Variants in ITK observed in about 807,000 individuals in gnomAD.
ITK encodes the protein tyrosine-protein kinase ITK/TSK.
Under a neutral mutation model 87.6 loss-of-function variants are expected in ITK, and 45 were observed. The ratio of observed to expected loss-of-function variants is 0.51; its 90% CI spans 0.40 to 0.66. The LOEUF (loss-of-function observed/expected upper bound fraction) is 0.66, where lower values mean the gene tolerates loss of function less well. ITK is among the 30% of genes least tolerant of loss of function. The pLI, the probability that ITK is intolerant of heterozygous loss-of-function variation, is 0.00. For missense variants in ITK, 605 were observed against 766.3 expected (o/e 0.79, Z 2.48); for synonymous variants, 303 against 273.6 (o/e 1.11, Z -1.06).
chr5:157,218,007 C>A, intron 5 of ITK, 100 bp downstream of exon 5: 1 of 1,060,044 alleles, frequency 9.4e-7, no homozygotes, highest in South Asian at 1.3e-5. Flanking sequence ...TTTTCAAACC[C>A]TGGCTGCATG....
Position 157,238,108 on chromosome 5 carries a change from G to T in ITK, c.769-1G>T, listed in dbSNP as rs572233794. 1 of 1,611,678 alleles carries T rather than the reference G, an allele frequency of 6.2e-7. No individual in the cohort carries two copies. Among genetic ancestry groups the T allele is most frequent in the South Asian group, 1.1e-5 (1 of 91,036 alleles). On this transcript the variant is annotated splice_acceptor_variant, in intron 8 of 16. Coordinates refer to ENST00000422843, the MANE Select transcript of ITK (RefSeq NM_005546.4). LOFTEE classifies it high-confidence loss of function. ...CTTTCCATTCTTTCTAACCATTCCAGGGCAAAGAAGGAGCCTTCATGGTAA... is the reference window on the plus strand; with the variant it reads ...CTTTCCATTCTTTCTAACCATTCCATGGCAAAGAAGGAGCCTTCATGGTAA...
At chr5:157,189,578 G>C (rs1263713758) in intron 1 of ITK, among the ~76,000 whole-genome samples, 1 of 152,236 alleles carries the variant, frequency 6.6e-6, no homozygotes, top group East Asian at 1.9e-4. Flanking sequence ...CTACTTGAAA[G>C]GCTGAAGCAG....
At chr5:157,195,892 T>G (rs1753847153) in intron 1 of ITK, 1 of 152,244 alleles carries the variant, frequency 6.6e-6, no homozygotes, top group Non-Finnish European at 1.5e-5. Context: ...TTTTTGTTAT[T>G]ATGCACAATG....
At chr5:157,211,785 T>C (rs1754196495) in intron 3 of ITK, among the ~76,000 whole-genome samples, 1 of 152,174 alleles carries the variant, frequency 6.6e-6, no homozygotes, top group African/African-American at 2.4e-5. Flanking sequence ...TAAATCCCAG[T>C]CTGTCACTTG....
intron 11 of ITK, among the ~76,000 whole-genome samples, chr5:157,242,380 C>T (rs540547142): frequency 7.2e-5 from 11 of 152,272 alleles, no homozygotes; most frequent in Admixed American, 3.3e-4. Flanking sequence ...TCTCAAATTT[C>T]AGTGTGCATC....
rs535135018 is a variant in ITK at position 157,194,261 on chromosome 5, A to G, written c.138+13146A>G. On this transcript the variant is annotated intron_variant, in intron 1 of 16. Transcript: ENST00000422843. ...TTTGTGAATTCGCCAGTCTTTGGTGACTTTGCAGAGTGTGTTTCCATTCAC... is the reference window on the plus strand; with the variant it reads ...TTTGTGAATTCGCCAGTCTTTGGTGGCTTTGCAGAGTGTGTTTCCATTCAC... Among the ~76,000 whole-genome samples the G allele has an allele frequency of 2.6e-5, 4 of 152,244 alleles. No individual in the cohort carries two copies. The South Asian group carries it at 8.3e-4, about 32-fold the overall frequency.
chr5:157,229,765 T>G (rs1754612798), intron 7 of ITK, among the ~76,000 whole-genome samples: 1 of 151,922 alleles, frequency 6.6e-6, no homozygotes, highest in Non-Finnish European at 1.5e-5. Flanking sequence ...AAATACAGAA[T>G]TATCCGGGTG....
chr5:157,193,325 C>A (rs933133580), intron 1 of ITK, among the ~76,000 whole-genome samples: 2 of 152,094 alleles, frequency 1.3e-5, no homozygotes, highest in African/African-American at 4.8e-5. Context: ...GGAAGTAATA[C>A]CTTTAGGGTG....
chr5:157,221,427 A>G (rs1231797685), intron 5 of ITK, among the ~76,000 whole-genome samples: 2 of 152,144 alleles, frequency 1.3e-5, no homozygotes, highest in African/African-American at 4.8e-5. Context: ...TTCTTATATA[A>G]TTACTGTATA....
chr5:157,221,988 TA>T (rs879074634), intron 5 of ITK, among the ~76,000 whole-genome samples: 41 of 147,308 alleles, frequency 2.8e-4, no homozygotes, highest in Non-Finnish European at 4.4e-4. Flanking sequence ...CTGTCTCTCT[TA>T]AAAAAAAAAA....
chr5:157,236,527 A>G (rs1754778612), intron 8 of ITK, among the ~76,000 whole-genome samples: 1 of 152,180 alleles, frequency 6.6e-6, no homozygotes. Context: ...TAGTTTCTAT[A>G]TACTTTGTTC....
intron 8 of ITK, among the ~76,000 whole-genome samples, chr5:157,237,550 A>G (rs1754801439): frequency 6.6e-6 from 1 of 152,226 alleles, no homozygotes; most frequent in South Asian, 2.1e-4. Flanking sequence ...AAAGTTATAT[A>G]TTCCCATTAA....
At chr5:157,217,808 C>A in intron 4 of ITK, 59 bp from the exon 5 acceptor site, 2 of 1,505,144 alleles carry the variant, frequency 1.3e-6, no homozygotes, top group South Asian at 2.3e-5. Context: ...CTGCTCACTT[C>A]CGGTTGGGTC....
intron 16 of ITK, among the ~76,000 whole-genome samples, chr5:157,252,346 A>G (rs557820394): frequency 3.3e-5 from 5 of 152,344 alleles, no homozygotes; most frequent in African/African-American, 1.2e-4. Flanking sequence ...TTTACAAATG[A>G]CAAAACTGAG....
At chr5:157,205,181 C>A (rs1754054992) in intron 1 of ITK, among the ~76,000 whole-genome samples, 1 of 152,160 alleles carries the variant, frequency 6.6e-6, no homozygotes, top group South Asian at 2.1e-4. Flanking sequence ...ATTCCCCAAT[C>A]AACTCTCAAA....
chr5:157,231,907 C>T (rs903843243), intron 7 of ITK, among the ~76,000 whole-genome samples: 1 of 152,154 alleles, frequency 6.6e-6, no homozygotes, highest in Non-Finnish European at 1.5e-5. Context: ...TTTATAGCTG[C>T]ACTAGCACCC....
chr5:157,201,994 T>C (rs1355276606), intron 1 of ITK, among the ~76,000 whole-genome samples: 1 of 152,160 alleles, frequency 6.6e-6, no homozygotes, highest in African/African-American at 2.4e-5. Context: ...CCCTCCACCC[T>C]CGAGTAGGTG....
In ITK at chr5:157,208,956, ACATCAGCATCC is replaced by A. The variant is rs1200720668; in HGVS notation, c.210_220del (p.Ile70MetfsTer4). On this transcript the variant is annotated frameshift_variant, in exon 2 of 17. Coordinates refer to ENST00000422843, the MANE Select transcript of ITK (RefSeq NM_005546.4). LOFTEE classifies it high-confidence loss of function. ...AAATGTGTTGAGATTGTGAAAAGTG[ACATCAGCATCC>A]CATGCCACTATAAATACCCGTTTCA... 1 of 1,613,880 alleles carries A rather than the reference ACATCAGCATCC, an allele frequency of 6.2e-7. No individual in the cohort carries two copies. Among genetic ancestry groups the A allele is most frequent in the African/African-American group, 1.3e-5 (1 of 74,920 alleles).
intron 1 of ITK, among the ~76,000 whole-genome samples, chr5:157,184,161 T>C (rs2113734406): frequency 6.6e-6 from 1 of 152,198 alleles, no homozygotes; most frequent in African/African-American, 2.4e-5. Flanking sequence ...TTCCAAGTTG[T>C]CCCTGATGCC....
Sources: allele counts gnomAD v4.1 joint callset (sites outside exome capture counted in the v4.1 genomes callset), GRCh38; gene constraint gnomAD v4.1.1; transcripts MANE v1.5; gene names NCBI Gene and HGNC (gene_info 2026-07-23, HGNC 2026-07-21).